Variants in ARHGAP26 observed in about 807,000 individuals in gnomAD.
The protein encoded by ARHGAP26 is rho GTPase-activating protein 26.
In ARHGAP26, 38 loss-of-function variants were observed where a neutral mutation model predicts 104.8. The observed-to-expected ratio is 0.36, with a 90% CI of 0.28 to 0.48. ARHGAP26 has a LOEUF of 0.48. Among genes scored for constraint, ARHGAP26 ranks in the 20% least tolerant of loss-of-function variants. The pLI, the probability that ARHGAP26 is intolerant of heterozygous loss-of-function variation, is 0.99. For missense variants in ARHGAP26, 704 were observed against 947.9 expected (o/e 0.74, Z 3.38); for synonymous variants, 341 against 340.0 (o/e 1.00, Z -0.03).
At chr5:143,064,861 T>A (rs1440996326) in intron 17 of ARHGAP26, among the ~76,000 whole-genome samples, 1 of 152,210 alleles carries the variant, frequency 6.6e-6, no homozygotes, top group African/African-American at 2.4e-5. Flanking sequence ...GAACTAAATC[T>A]TTCACATCAC....
chr5:142,971,163 C>T (rs1321676187), intron 11 of ARHGAP26, among the ~76,000 whole-genome samples: 1 of 152,004 alleles, frequency 6.6e-6, no homozygotes, highest in Non-Finnish European at 1.5e-5. Flanking sequence ...GGTACATATT[C>T]TAAGTAGGAG....
At chr5:143,163,321 A>G (rs1801497185) in intron 20 of ARHGAP26, among the ~76,000 whole-genome samples, 1 of 152,180 alleles carries the variant, frequency 6.6e-6, no homozygotes. Flanking sequence ...TGGCAATTGT[A>G]GGCAGGGTTT....
chr5:142,891,209 C>T (rs566134231), intron 5 of ARHGAP26, among the ~76,000 whole-genome samples: 23 of 152,068 alleles, frequency 1.5e-4, no homozygotes, highest in Non-Finnish European at 2.6e-4. Flanking sequence ...AGCAGCCACA[C>T]GATGCAGGGG....
chr5:143,089,490 CCAT>C (rs1791087457), intron 17 of ARHGAP26, among the ~76,000 whole-genome samples: 1 of 152,192 alleles, frequency 6.6e-6, no homozygotes, highest in African/African-American at 2.4e-5. Context: ...TGTTATACTT[CCAT>C]CAGGGGTGGT....
At chr5:142,824,160 G>A (rs2152087188) in intron 1 of ARHGAP26, among the ~76,000 whole-genome samples, 1 of 152,246 alleles carries the variant, frequency 6.6e-6, no homozygotes, top group South Asian at 2.1e-4. Context: ...GTGTACATTT[G>A]CTGCAGTTCG....
At chr5:143,132,156 C>T (rs1354719088) in intron 18 of ARHGAP26, among the ~76,000 whole-genome samples, 1 of 152,078 alleles carries the variant, frequency 6.6e-6, no homozygotes, top group Non-Finnish European at 1.5e-5. Context: ...TTTCAGACAG[C>T]TGTGTTTCGG....
chr5:143,131,224 T>TAAA (rs977756083), intron 18 of ARHGAP26, among the ~76,000 whole-genome samples: 8 of 152,242 alleles, frequency 5.3e-5, no homozygotes, highest in African/African-American at 1.9e-4. Flanking sequence ...TTCACGCATC[T>TAAA]GTCTAAAGCC....
chr5:143,057,152 G>C (rs73796539), intron 16 of ARHGAP26, among the ~76,000 whole-genome samples: 8,296 of 152,180 alleles, frequency 0.055, 779 homozygotes, highest in African/African-American at 0.19. Context: ...CTAGCAGGCT[G>C]GTTGTCATAT....
At chr5:143,207,406 G>T in intron 21 of ARHGAP26, 98 bp downstream of exon 21, 3 of 1,614,054 alleles carry the variant, frequency 1.9e-6, no homozygotes, top group Non-Finnish European at 2.5e-6. Context: ...CGTCAACTTT[G>T]TTCCCTGCCA....
chr5:143,085,792 G>A (rs3756377), intron 17 of ARHGAP26, among the ~76,000 whole-genome samples: 2,339 of 152,308 alleles, frequency 0.015, 57 homozygotes, highest in East Asian at 0.075. Context: ...CTGTGGGTAC[G>A]AGGAAGGAAA....
At chr5:143,092,430 C>G (rs1562406894) in intron 17 of ARHGAP26, among the ~76,000 whole-genome samples, 1 of 152,208 alleles carries the variant, frequency 6.6e-6, no homozygotes, top group Non-Finnish European at 1.5e-5. Flanking sequence ...TCCCAAAGTG[C>G]TGGGATTACA....
At chr5:142,850,775 T>C (rs562620140) in intron 1 of ARHGAP26, among the ~76,000 whole-genome samples, 1 of 152,346 alleles carries the variant, frequency 6.6e-6, no homozygotes, top group Non-Finnish European at 1.5e-5. Context: ...AGTTTTGTAT[T>C]ATGCAGAGCC....
At position 142,913,648 on chromosome 5, in the gene ARHGAP26, G is replaced by T. The variant is rs1337570698; in HGVS notation, c.1028+355G>T. Among the ~76,000 whole-genome samples the T allele has an allele frequency of 2.6e-5, 4 of 152,300 alleles. No homozygotes were observed. The East Asian group carries it at 7.7e-4, about 29-fold the overall frequency. On this transcript the variant is annotated intron_variant, in intron 10 of 22. Coordinates refer to ENST00000645722, the MANE Select transcript of ARHGAP26 (RefSeq NM_001135608.3). ...ACTTTTAAAGAAAAGTATTTAGCAT[G>T]ATTGTATCAGCTATTTGAATTTTTT...
chr5:142,977,961 G>A (rs141989002), intron 11 of ARHGAP26, among the ~76,000 whole-genome samples: 4 of 152,358 alleles, frequency 2.6e-5, no homozygotes, highest in Non-Finnish European at 4.4e-5. Flanking sequence ...CCATGGCTGG[G>A]ATGGTTGACA....
At chr5:143,190,985 G>A (rs1446211030) in intron 20 of ARHGAP26, among the ~76,000 whole-genome samples, 1 of 152,242 alleles carries the variant, frequency 6.6e-6, no homozygotes, top group Non-Finnish European at 1.5e-5. Context: ...AGAAAAGGCA[G>A]ATCTCTAGAG....
intron 20 of ARHGAP26, among the ~76,000 whole-genome samples, chr5:143,198,828 A>G (rs1413558500): frequency 1.3e-5 from 2 of 152,188 alleles, no homozygotes; most frequent in Non-Finnish European, 2.9e-5. Context: ...TTCAACTTTT[A>G]GATTCAGGGA....
chr5:143,132,863 A>T (rs1044990499), intron 18 of ARHGAP26, among the ~76,000 whole-genome samples: 1 of 76,904 alleles, frequency 1.3e-5, no homozygotes, highest in Non-Finnish European at 2.3e-5. Context: ...ATCTGGGGTA[A>T]AAAAAAAAAA....
At chr5:142,799,777 A>G (rs1186842278) in intron 1 of ARHGAP26, among the ~76,000 whole-genome samples, 1 of 152,206 alleles carries the variant, frequency 6.6e-6, no homozygotes. Flanking sequence ...TCCTGTGATA[A>G]TAAACTCACT....
intron 21 of ARHGAP26, among the ~76,000 whole-genome samples, chr5:143,210,139 C>T (rs532330047): frequency 1.3e-5 from 2 of 152,112 alleles, no homozygotes; most frequent in African/African-American, 4.8e-5. Context: ...AAAACATACC[C>T]GAGACTGGGA....
Sources: gnomAD v4.1 joint callset for allele counts (sites outside exome capture counted in the v4.1 genomes callset) on GRCh38, gnomAD v4.1.1 for gene constraint, MANE v1.5 for transcripts, NCBI Gene and HGNC (gene_info 2026-07-23, HGNC 2026-07-21) for gene names.